RBMS3: variants seen among roughly 807,000 people sequenced by gnomAD.
The protein encoded by RBMS3 is RNA binding motif single stranded interacting protein 3.
Under a neutral mutation model 66.8 loss-of-function variants are expected in RBMS3, and 27 were observed. The ratio of observed to expected loss-of-function variants is 0.40; its 90% CI spans 0.30 to 0.56. RBMS3 has a LOEUF of 0.56. RBMS3 is among the 20% of genes least tolerant of loss of function. RBMS3 has a pLI of 0.40. For synonymous variants in RBMS3, 188 were observed against 183.0 expected (o/e 1.03, Z -0.22); for missense variants, 513 against 549.5 (o/e 0.93, Z 0.66).
At chr3:29,940,258 C>T (rs185902228) in intron 11 of RBMS3, among the ~76,000 whole-genome samples, 91 of 151,974 alleles carry the variant, frequency 6.0e-4, no homozygotes, top group Middle Eastern at 6.8e-3. Context: ...ACCCTGTTGT[C>T]ACAGGTAGTC....
At chr3:29,855,329 C>T (rs544529089) in intron 6 of RBMS3, among the ~76,000 whole-genome samples, 46 of 152,144 alleles carry the variant, frequency 3.0e-4, no homozygotes, top group Non-Finnish European at 5.3e-4. Flanking sequence ...GTGAAAACTA[C>T]ATCAAATATG....
chr3:29,956,118 T>A (rs914223594), intron 12 of RBMS3, among the ~76,000 whole-genome samples: 4 of 152,132 alleles, frequency 2.6e-5, no homozygotes, highest in Non-Finnish European at 5.9e-5. Context: ...TGCCACAGTA[T>A]AATCTTCAAG....
At chr3:29,464,312 G>A (rs1475755269) in intron 2 of RBMS3, among the ~76,000 whole-genome samples, 2 of 152,130 alleles carry the variant, frequency 1.3e-5, no homozygotes, top group Non-Finnish European at 2.9e-5. Context: ...ACCTTCTAAG[G>A]AAGCTGAATA....
chr3:29,398,070 A>G (rs2039637935), intron 1 of RBMS3, among the ~76,000 whole-genome samples: 1 of 152,214 alleles, frequency 6.6e-6, no homozygotes, highest in Non-Finnish European at 1.5e-5. Flanking sequence ...GTGAATTTGC[A>G]GAATCTAGAA....
intron 6 of RBMS3, among the ~76,000 whole-genome samples, chr3:29,838,473 G>A (rs1014953850): frequency 6.6e-6 from 1 of 151,672 alleles, no homozygotes; most frequent in Non-Finnish European, 1.5e-5. Context: ...TGTTAATTTC[G>A]GCCCACCTGA....
intron 3 of RBMS3, among the ~76,000 whole-genome samples, chr3:29,552,090 T>C (rs951511701): frequency 6.6e-6 from 1 of 152,208 alleles, no homozygotes; most frequent in East Asian, 1.9e-4. Flanking sequence ...AGGGATTAAT[T>C]GATGGAGTTC....
chr3:29,784,876 A>C (rs1014399303), intron 6 of RBMS3, among the ~76,000 whole-genome samples: 2 of 152,122 alleles, frequency 1.3e-5, no homozygotes, highest in African/African-American at 2.4e-5. Context: ...AAAGAAATAC[A>C]AAAGATTATT....
At chr3:29,577,475 G>C (rs565191223) in intron 3 of RBMS3, among the ~76,000 whole-genome samples, 7 of 152,280 alleles carry the variant, frequency 4.6e-5, no homozygotes, top group Admixed American at 4.6e-4. Context: ...TCCAGCACTA[G>C]GAGTTGCATA....
intron 1 of RBMS3, among the ~76,000 whole-genome samples, chr3:29,329,880 T>C (rs937715966): frequency 1.4e-5 from 2 of 147,868 alleles, no homozygotes; most frequent in Non-Finnish European, 1.5e-5. Flanking sequence ...TACATATTAA[T>C]ATAACTATAT....
At chr3:29,849,170 ATGTGTGTGTGTGTG>A (rs10571760) in intron 6 of RBMS3, among the ~76,000 whole-genome samples, 5 of 141,762 alleles carry the variant, frequency 3.5e-5, no homozygotes, top group African/African-American at 5.3e-5. Context: ...CACCAAAGGA[ATGTGTGTGTGTGTG>A]TGTGTGTGTG....
intron 2 of RBMS3, among the ~76,000 whole-genome samples, chr3:29,459,335 C>T (rs1358369219): frequency 6.6e-6 from 1 of 152,168 alleles, no homozygotes; most frequent in Non-Finnish European, 1.5e-5. Flanking sequence ...GTAGTCTCAT[C>T]ATGTAGAGCT....
intron 3 of RBMS3, among the ~76,000 whole-genome samples, chr3:29,572,630 A>G (rs571808598): frequency 3.3e-5 from 5 of 152,298 alleles, no homozygotes; most frequent in Non-Finnish European, 5.9e-5. Context: ...CATGGTCATG[A>G]TGAGTGATCA....
intron 4 of RBMS3, among the ~76,000 whole-genome samples, chr3:29,702,978 A>T (rs746309354): frequency 1.3e-5 from 2 of 152,228 alleles, no homozygotes; most frequent in African/African-American, 2.4e-5. Context: ...GTTAATGATG[A>T]CTAACTTTCG....
At position 29,575,275 on chromosome 3, in the gene RBMS3, G is replaced by T. The variant is rs184523390; in HGVS notation, c.308-11839G>T. 2.6e-5 allele frequency among the ~76,000 whole-genome samples: 4 copies of T among 151,530 alleles called. No homozygotes were observed. The East Asian group carries it at 7.8e-4, about 29-fold the overall frequency. ...TATCTTTGTCGGATATACTATTCAA[G>T]GGTAAAAGTTTTTTTTTTTTTCTTT... On this transcript the variant is annotated intron_variant, in intron 3 of 14. Coordinates refer to ENST00000383767, the MANE Select transcript of RBMS3 (RefSeq NM_001003793.3).
At chr3:29,421,099 C>T (rs1263199597) in intron 1 of RBMS3, among the ~76,000 whole-genome samples, 1 of 150,492 alleles carries the variant, frequency 6.6e-6, no homozygotes, top group African/African-American at 2.4e-5. Context: ...GGCAACAGAG[C>T]GAGAGTCTGT....
intron 4 of RBMS3, chr3:29,641,116 C>A (rs2049689027): frequency 6.6e-6 from 1 of 151,932 alleles, no homozygotes; most frequent in South Asian, 2.1e-4. Context: ...CGATAACTGT[C>A]ATTTTGGTAT....
At chr3:29,520,970 C>CTCCG (rs2044834091) in intron 3 of RBMS3, among the ~76,000 whole-genome samples, 1 of 152,074 alleles carries the variant, frequency 6.6e-6, no homozygotes, top group Non-Finnish European at 1.5e-5. Flanking sequence ...AAGGGTTGTT[C>CTCCG]CTAACTGTGT....
chr3:29,629,505 G>C (rs1219504373), intron 4 of RBMS3, among the ~76,000 whole-genome samples: 1 of 152,090 alleles, frequency 6.6e-6, no homozygotes, highest in African/African-American at 2.4e-5. Flanking sequence ...GTTCTAAGTG[G>C]AGACTGCTAA....
chr3:29,670,048 TC>T (rs2050929496), intron 4 of RBMS3, among the ~76,000 whole-genome samples: 1 of 152,228 alleles, frequency 6.6e-6, no homozygotes, highest in South Asian at 2.1e-4. Context: ...AAGAGATCAT[TC>T]CATGTAATCA....
Sources: gnomAD v4.1 joint callset for allele counts (sites outside exome capture counted in the v4.1 genomes callset) on GRCh38, gnomAD v4.1.1 for gene constraint, MANE v1.5 for transcripts, NCBI Gene and HGNC (gene_info 2026-07-23, HGNC 2026-07-21) for gene names.